Variants in TNRC6B observed in about 807,000 individuals in gnomAD.
TNRC6B encodes the protein trinucleotide repeat containing adaptor 6B.
A neutral mutation model predicts 203.6 loss-of-function variants in TNRC6B; 52 were observed. That is an observed-to-expected ratio of 0.26 (90% CI 0.20 to 0.32). TNRC6B has a LOEUF of 0.32. TNRC6B is among the 10% of genes least tolerant of loss of function. TNRC6B has a pLI of 1.00. For missense variants in TNRC6B, 1,923 were observed against 2,286.2 expected, an observed-to-expected ratio of 0.84 and a Z score of 3.24; for synonymous variants, 838 against 845.7, an observed-to-expected ratio of 0.99 and a Z score of 0.16.
chr22:40,116,811 C>T (rs2068391721), intron 1 of TNRC6B, among the ~76,000 whole-genome samples: 2 of 152,090 alleles, frequency 1.3e-5, no homozygotes, highest in South Asian at 2.1e-4. Flanking sequence ...TGTTTGGTAT[C>T]CTGCCCTGTA....
intron 3 of TNRC6B, among the ~76,000 whole-genome samples, chr22:40,128,973 G>GA (rs1224731652): frequency 2.0e-5 from 3 of 152,134 alleles, no homozygotes; most frequent in Non-Finnish European, 1.5e-5. Flanking sequence ...TAAGTACTAT[G>GA]AAAAAAATAA....
chr22:40,330,073 G>A lies in TNRC6B; in HGVS notation c.*6832G>A, dbSNP rs1230958424. The A allele has an allele frequency of 3.9e-5, 6 of 152,202 alleles. No homozygotes were observed. Among genetic ancestry groups the A allele is most frequent in the Non-Finnish European group, 1.5e-5 (1 of 68,036 alleles). The allele number at this position is 152,202 out of a possible 1,614,324, so 9.4% of individuals were successfully genotyped here. On this transcript the variant is annotated 3_prime_UTR_variant, in exon 23 of 23. Transcript: ENST00000454349. ...AAAGAATAAATAGTGTCCGTTTAAAGCACTTTGTGCCTCAACTTCATTTTT... is the reference window on the plus strand; with the variant it reads ...AAAGAATAAATAGTGTCCGTTTAAAACACTTTGTGCCTCAACTTCATTTTT...
chr22:40,090,765 C>T (rs1034646994), intron 1 of TNRC6B, among the ~76,000 whole-genome samples: 1 of 151,994 alleles, frequency 6.6e-6, no homozygotes, highest in African/African-American at 2.4e-5. Flanking sequence ...TGACCAGTAG[C>T]AATGTGTAAC....
chr22:40,111,616 G>A (rs1161764443), intron 1 of TNRC6B, among the ~76,000 whole-genome samples: 1 of 152,216 alleles, frequency 6.6e-6, no homozygotes. Flanking sequence ...ATTTGAGTGG[G>A]ATGGCAGTAT....
chr22:40,275,077 G>T (rs577210097), intron 7 of TNRC6B, among the ~76,000 whole-genome samples: 1 of 152,164 alleles, frequency 6.6e-6, no homozygotes, highest in Non-Finnish European at 1.5e-5. Flanking sequence ...TTTGCCCTTT[G>T]CCTATAGGAC....
intron 17 of TNRC6B, 97 bp from the exon 18 acceptor site, chr22:40,312,408 T>TCAC (rs2071196617): frequency 8.1e-7 from 1 of 1,235,986 alleles, no homozygotes; most frequent in East Asian, 2.5e-5. Context: ...ATTCAGTATT[T>TCAC]ATACTTTTCA....
rs2071357502 is a variant in TNRC6B at position 40,323,036 on chromosome 22, T to C, written c.5297T>C (p.Phe1766Ser). 1 of 1,602,536 alleles carries C rather than the reference T, an allele frequency of 6.2e-7. No individual in the cohort carries two copies. ...CCCGTGGGACCTGCTCTGAATCTTT[T>C]TGGTGGGTCCACTGGGCTCGGGCAG... ...SDPVGPALNL[F>S]GGSTGLGQWS... is the part of the protein sequence containing the mutation. The change falls in exon 23 of 23, where the codon TTT (phenylalanine) becomes TCT (serine). Residue 1766 changes from phenylalanine (F) to serine (S), a missense_variant. Phe to Ser is a radical substitution (Grantham distance 155). Coordinates refer to ENST00000454349, the MANE Select transcript of TNRC6B (RefSeq NM_001162501.2).
chr22:40,308,160 C>T (rs985454895), intron 15 of TNRC6B, among the ~76,000 whole-genome samples: 1 of 152,200 alleles, frequency 6.6e-6, no homozygotes, highest in African/African-American at 2.4e-5. Context: ...TTTGTTGCTG[C>T]TGTTGCGCTA....
At chr22:40,061,363 C>T (rs2146271712) in intron 1 of TNRC6B, among the ~76,000 whole-genome samples, 1 of 151,918 alleles carries the variant, frequency 6.6e-6, no homozygotes, top group South Asian at 2.1e-4. Flanking sequence ...TATAGGCATG[C>T]GCCACCACGT....
chr22:40,051,209 G>A (rs1466953467), intron 1 of TNRC6B, among the ~76,000 whole-genome samples: 1 of 152,186 alleles, frequency 6.6e-6, no homozygotes, highest in Non-Finnish European at 1.5e-5. Flanking sequence ...GCCACAGTGA[G>A]ATAGATTCCA....
Position 40,312,978 on chromosome 22 carries a change from C to G in TNRC6B, c.4659C>G (p.Thr1553=). ...WPYSASDNSF[T]NVHSTSAKFP... ...ACAGTGCCTCTGACAACTCCTTTAC[C>G]AACGTTCATAGCACTTCAGGTATGA... The change falls in exon 19 of 23, where the codon ACC becomes ACG. Residue 1553 remains threonine, a synonymous_variant. Transcript: ENST00000454349. 6.2e-7 allele frequency: 1 copy of G among 1,613,678 alleles called. No individual in the cohort carries two copies.
intron 3 of TNRC6B, among the ~76,000 whole-genome samples, chr22:40,126,997 G>A (rs998891916): frequency 1.3e-5 from 2 of 149,346 alleles, no homozygotes; most frequent in Non-Finnish European, 3.0e-5. Context: ...ATCAAATCTT[G>A]TATGTAAATA....
chr22:40,248,246 G>A (rs888621812), intron 2 of TNRC6B, among the ~76,000 whole-genome samples: 5 of 152,144 alleles, frequency 3.3e-5, no homozygotes, highest in Non-Finnish European at 7.3e-5. Context: ...GCCGTGCCTC[G>A]CACACATTGC....
intron 2 of TNRC6B, among the ~76,000 whole-genome samples, chr22:40,248,138 C>A (rs1441655559): frequency 6.6e-6 from 1 of 151,712 alleles, no homozygotes; most frequent in Non-Finnish European, 1.5e-5. Context: ...CTTTCCTTTG[C>A]GTCCGTGGCC....
At chr22:40,150,790 C>CT (rs1478965570) in intron 3 of TNRC6B, among the ~76,000 whole-genome samples, 1 of 152,150 alleles carries the variant, frequency 6.6e-6, no homozygotes, top group African/African-American at 2.4e-5. Context: ...TGAAGGATGT[C>CT]TTTTTGGGGT....
chr22:40,076,204 C>T (rs779733407), intron 1 of TNRC6B, among the ~76,000 whole-genome samples: 2 of 152,142 alleles, frequency 1.3e-5, no homozygotes, highest in Non-Finnish European at 2.9e-5. Flanking sequence ...ATAGCTTGAG[C>T]CCAGAAGTTC....
intron 1 of TNRC6B, among the ~76,000 whole-genome samples, chr22:40,046,894 C>T (rs2067693300): frequency 6.6e-6 from 1 of 152,122 alleles, no homozygotes; most frequent in Non-Finnish European, 1.5e-5. Context: ...ATCCGCCCGC[C>T]TCGGCCTCCC....
rs551939365 is a variant in TNRC6B at position 40,152,820 on chromosome 22, G to A, written c.46-3295G>A. 4.8e-4 allele frequency among the ~76,000 whole-genome samples: 73 copies of A among 151,974 alleles called. No individual in the cohort carries two copies. The Middle Eastern group carries it at 0.041, about 85-fold the overall frequency. On this transcript the variant is annotated intron_variant, in intron 3 of 23. Coordinates refer to the TNRC6B transcript ENST00000301923. The stretch of plus-strand genomic sequence containing the variant: ...TGTGGGTAAAAAAAATGTTTTTATG[G>A]CCGGGTGTGGTGGCTCACACCTATA...
intron 2 of TNRC6B, 118 bp from the exon 3 acceptor site, chr22:40,251,061 A>T: frequency 2.7e-6 from 2 of 728,226 alleles, no homozygotes; most frequent in Non-Finnish European, 2.1e-6. Context: ...TCTGGATTTC[A>T]GCTATGCCTG....
Sources: gnomAD v4.1 joint callset for allele counts (sites outside exome capture counted in the v4.1 genomes callset) on GRCh38, gnomAD v4.1.1 for gene constraint, MANE v1.5 for transcripts, NCBI Gene and HGNC (gene_info 2026-07-23, HGNC 2026-07-21) for gene names.